LINC00632: variants seen among roughly 807,000 people sequenced by gnomAD.
LINC00632 encodes long independently transcribed non-coding RNA 632.
At chrX:140,780,497 A>G (rs1931919945) in exon 5 of LINC00632, among the ~76,000 whole-genome samples, 1 of 111,960 alleles carries the variant, frequency 8.9e-6, no homozygotes, top group Non-Finnish European at 1.9e-5. Flanking sequence ...GACTAGAGGT[A>G]ATCTCAGTTT....
chrX:140,753,768 CTTTTTTTTTTTT>C (rs752596283), intron 3 of LINC00632, among the ~76,000 whole-genome samples: 1 of 49,729 alleles, frequency 2.0e-5, no homozygotes, highest in Non-Finnish European at 3.2e-5. Context: ...TTCTTTCTTT[CTTTTTTTTTTTT>C]TTTTTTTTTT....
chrX:140,781,602 C>T (rs1033389095), exon 5 of LINC00632, among the ~76,000 whole-genome samples: 2 of 111,406 alleles, frequency 1.8e-5, no homozygotes, highest in Non-Finnish European at 3.8e-5. Flanking sequence ...CATTCGGCTT[C>T]AATTTTCTCT....
intron 3 of LINC00632, among the ~76,000 whole-genome samples, chrX:140,734,627 G>A (rs1401121450): frequency 9.1e-6 from 1 of 110,317 alleles, no homozygotes; most frequent in Non-Finnish European, 1.9e-5. Context: ...AAAAATTTCT[G>A]TGACTCTATG....
intron 2 of LINC00632, among the ~76,000 whole-genome samples, chrX:140,731,372 C>G (rs1312223775): frequency 1.8e-5 from 2 of 111,965 alleles, no homozygotes; most frequent in Non-Finnish European, 3.8e-5. Context: ...CTCCCTGGGG[C>G]TATTACCTGG....
intron 3 of LINC00632, among the ~76,000 whole-genome samples, chrX:140,765,825 G>A (rs1055751274): frequency 2.7e-5 from 3 of 111,883 alleles, no homozygotes; most frequent in African/African-American, 9.7e-5. Context: ...AAGTAGCTCC[G>A]GAGTAGGGGA....
chrX:140,729,742 G>C (rs1263424902), intron 2 of LINC00632, among the ~76,000 whole-genome samples: 1 of 111,032 alleles, frequency 9.0e-6, no homozygotes, highest in African/African-American at 3.3e-5. Flanking sequence ...ATGCTTTATA[G>C]AGATAGCCTA....
chrX:140,723,376 TAC>T (rs1376365911), intron 2 of LINC00632, among the ~76,000 whole-genome samples: 2 of 2,131 alleles, frequency 9.4e-4, no homozygotes, highest in Non-Finnish European at 2.4e-3. Flanking sequence ...ACACATTCCA[TAC>T]ACACACATTC....
chrX:140,782,347 C>T (rs1931946026), exon 5 of LINC00632: 1 of 111,955 alleles, frequency 8.9e-6, no homozygotes, highest in African/African-American at 3.2e-5. Flanking sequence ...TCTTTAATTA[C>T]CAGATCTTCC....
intron 2 of LINC00632, among the ~76,000 whole-genome samples, chrX:140,731,859 A>T (rs5907621): frequency 0.56 from 61,544 of 109,684 alleles, 14,172 homozygotes; most frequent in African/African-American, 0.86. Flanking sequence ...ACATGGCTAC[A>T]GCCCCCAAAC....
intron 3 of LINC00632, among the ~76,000 whole-genome samples, chrX:140,740,383 T>C (rs917138050): frequency 3.6e-5 from 4 of 111,398 alleles, no homozygotes; most frequent in African/African-American, 1.3e-4. Flanking sequence ...TTTTATATTA[T>C]ATTTGGGAGG....
intron 3 of LINC00632, among the ~76,000 whole-genome samples, chrX:140,737,480 C>G (rs1388809634): frequency 9.0e-6 from 1 of 111,470 alleles, no homozygotes; most frequent in Non-Finnish European, 1.9e-5. Flanking sequence ...TTCAGCTCCT[C>G]TCGTCTAGCC....
chrX:140,789,428 CTAT>C (rs201757176), exon 5 of LINC00632, among the ~76,000 whole-genome samples: 7,618 of 110,400 alleles, frequency 0.069, 282 homozygotes, highest in East Asian at 0.23. Context: ...TCTTTACAAT[CTAT>C]TATTTATTTA....
chrX:140,742,839 TAGAGAGAG>T lies in LINC00632; in HGVS notation n.191+8908_191+8915del, dbSNP rs3084215. Among the ~76,000 whole-genome samples the T allele has an allele frequency of 3.2e-3, 150 of 46,898 alleles. 1 individual carries two copies. The highest frequency in any genetic ancestry group is 7.2e-3 in the African/African-American group (71 of 9,925). The allele number at this position is 46,898 out of a possible 115,157, so 40.7% of individuals were successfully genotyped here. A position where few individuals can be genotyped will look rare whatever the true frequency, so the allele number is the denominator to read the frequency against. On this transcript the variant is annotated intron_variant and non_coding_transcript_variant, in intron 3 of 4. Transcript: ENST00000648200. ...GGTAAGGCCTTATGGTAGAAGGTGA[TAGAGAGAG>T]AGAGAGAGAGAGAGAGAGAGAGAGA... is the stretch of plus-strand genomic sequence containing the variant.
At chrX:140,771,619 A>G (rs1409568314) in intron 3 of LINC00632, among the ~76,000 whole-genome samples, 2 of 30,401 alleles carry the variant, frequency 6.6e-5, no homozygotes, top group African/African-American at 2.6e-4. Context: ...ATATACACAC[A>G]CACACACACA....
chrX:140,724,701 G>C (rs1930886590), intron 2 of LINC00632, among the ~76,000 whole-genome samples: 1 of 9,868 alleles, frequency 1.0e-4, no homozygotes, highest in African/African-American at 3.0e-4. Context: ...GACACATCCA[G>C]TACACACACA....
chrX:140,763,577 G>A (rs1211102791), intron 3 of LINC00632, among the ~76,000 whole-genome samples: 4 of 110,992 alleles, frequency 3.6e-5, no homozygotes, highest in African/African-American at 1.3e-4. Flanking sequence ...TCTGATATTT[G>A]TTCTTGTACT....
intron 2 of LINC00632, among the ~76,000 whole-genome samples, chrX:140,713,115 A>G (rs1343617719): frequency 2.7e-5 from 3 of 110,552 alleles, no homozygotes; most frequent in Non-Finnish European, 3.8e-5. Context: ...GGCTGGAGTT[A>G]TTTGGCAGAC....
At chrX:140,759,622 T>C (rs1021626123) in intron 3 of LINC00632, among the ~76,000 whole-genome samples, 3 of 111,017 alleles carry the variant, frequency 2.7e-5, no homozygotes, top group Non-Finnish European at 3.8e-5. Flanking sequence ...CCCTCCCAAG[T>C]CACTGGGATT....
chrX:140,723,600 C>T (rs796275676), intron 2 of LINC00632, among the ~76,000 whole-genome samples: 4 of 2,147 alleles, frequency 1.9e-3, no homozygotes, highest in African/African-American at 5.4e-3. Flanking sequence ...CATACACAGA[C>T]ACACATTCCA....
Sources: gnomAD v4.1 joint callset for allele counts (sites outside exome capture counted in the v4.1 genomes callset) on GRCh38, gnomAD v4.1.1 for gene constraint, MANE v1.5 for transcripts, NCBI Gene and HGNC (gene_info 2026-07-23, HGNC 2026-07-21) for gene names.